Variants in CIB2 observed in about 807,000 individuals in gnomAD.
CIB2 encodes the protein calcium and integrin binding family member 2.
In CIB2, 19 loss-of-function variants were observed where a neutral mutation model predicts 23.1. The observed-to-expected ratio is 0.82, with a 90% confidence interval of 0.57 to 1.21. CIB2 has a LOEUF of 1.21. CIB2 is among the 50% of genes most tolerant of loss of function. The pLI is 0.00. For synonymous variants in CIB2, 94 were observed against 91.7 expected (o/e 1.03, Z -0.14); for missense variants, 220 against 241.5 (o/e 0.91, Z 0.59).
chr15:78,131,123 G>A lies in CIB2; in HGVS notation c.51+42C>T, dbSNP rs781480464. ...GACCGAGAAAAGGGAGGGGCGGCGG[G>A]GCGGCGGGGCCTGTGTTGGGGGCCG... On this transcript the variant is annotated intron_variant, in intron 1 of 5. Coordinates refer to ENST00000258930, the MANE Select transcript of CIB2 (RefSeq NM_006383.4). The surrounding 1 kb of genome is among the most constrained non-coding windows in gnomAD (Gnocchi z 5.8). 3.3e-6 allele frequency: 5 copies of A among 1,532,050 alleles called. No individual in the cohort carries two copies. The South Asian group carries it at 4.7e-5, about 14-fold the overall frequency. The allele number at this position is 1,532,050 out of a possible 1,614,324, so 94.9% of individuals were successfully genotyped here. A position where few individuals can be genotyped will look rare whatever the true frequency, so the allele number is the denominator to read the frequency against.
intron 1 of CIB2, among the ~76,000 whole-genome samples, chr15:78,125,074 C>T (rs541807416): frequency 2.0e-5 from 3 of 152,268 alleles, no homozygotes; most frequent in African/African-American, 7.2e-5. Flanking sequence ...ACGAGGGGTT[C>T]TCCTGGGGGT....
At position 78,105,070 on chromosome 15, in the gene CIB2, G is replaced by C; in HGVS notation, c.*241C>G. The C allele has an allele frequency of 5.5e-6, 3 of 547,328 alleles. No individual in the cohort carries two copies. The highest frequency in any genetic ancestry group is 3.1e-5 in the Admixed American group (1 of 32,168). 33.9% of individuals were successfully genotyped at this position (547,328 alleles called of 1,614,324 possible). On this transcript the variant is annotated 3_prime_UTR_variant, in exon 6 of 6. Transcript: ENST00000258930. The stretch of plus-strand genomic sequence containing the variant: ...ACTGGGGCATGGGGCGGGGTGCGGA[G>C]GGCCTGGAGAGAGGCCATGGGTCCC...
intron 1 of CIB2, 40 bp from the exon 2 acceptor site, chr15:78,123,779 C>T (rs755286388): frequency 1.9e-6 from 3 of 1,612,918 alleles, no homozygotes; most frequent in Admixed American, 1.7e-5. Flanking sequence ...CAGTGTGCGG[C>T]TCCCAGACTT....
Position 78,117,246 on chromosome 15 carries a change from CAAAAAA to C in CIB2, c.87-5976_87-5971del, listed in dbSNP as rs60332437. Among the ~76,000 whole-genome samples the C allele has an allele frequency of 2.9e-4, 16 of 55,476 alleles. No homozygotes were observed. The East Asian group carries it at 8.8e-3, about 30-fold the overall frequency. 36.4% of individuals were successfully genotyped at this position (55,476 alleles called of 152,430 possible). ...GTTAAGTGTTTCTTCAAGCTACTGGCAAAAAAAAAAAAAAAAAAAAAAAAAAAAAGT... is the reference window on the plus strand; with the variant it reads ...GTTAAGTGTTTCTTCAAGCTACTGGCAAAAAAAAAAAAAAAAAAAAAAAGT... On this transcript the variant is annotated intron_variant, in intron 2 of 5. Coordinates refer to ENST00000258930, the MANE Select transcript of CIB2 (RefSeq NM_006383.4).
intron 1 of CIB2, among the ~76,000 whole-genome samples, chr15:78,129,699 T>G (rs983942965): frequency 2.0e-5 from 3 of 152,086 alleles, no homozygotes; most frequent in African/African-American, 7.2e-5. Context: ...TCTGAGTGTC[T>G]GAGACTGAGT....
chr15:78,131,381 G>T lies in CIB2; in HGVS notation c.-166C>A. The T allele has an allele frequency of 3.2e-6, 1 of 315,358 alleles. No individual in the cohort carries two copies. The highest frequency in any genetic ancestry group is 4.9e-6 in the Non-Finnish European group (1 of 202,410). 19.5% of individuals were successfully genotyped at this position (315,358 alleles called of 1,614,324 possible). A position where few individuals can be genotyped will look rare whatever the true frequency, so the allele number is the denominator to read the frequency against. On this transcript the variant is annotated 5_prime_UTR_variant, in exon 1 of 6. Transcript: ENST00000258930. This position sits in a 1 kb window ranked among gnomAD's most constrained non-coding sequence, Gnocchi z 5.8. Reference sequence around the variant, plus strand: ...CCCGCAGCTCGCCTGGAGGAGGCGCGCGGGGGTCTCGGAGGCGGGGACGGG... The same window carrying T: ...CCCGCAGCTCGCCTGGAGGAGGCGCTCGGGGGTCTCGGAGGCGGGGACGGG...
At chr15:78,130,071 G>C (rs532060945) in intron 1 of CIB2, among the ~76,000 whole-genome samples, 1 of 152,270 alleles carries the variant, frequency 6.6e-6, no homozygotes, top group Non-Finnish European at 1.5e-5. Flanking sequence ...CTTCACACCT[G>C]CTTTCCTTCA....
chr15:78,131,226 G>T lies in CIB2; in HGVS notation c.-11C>A. The T allele has an allele frequency of 6.7e-7, 1 of 1,502,050 alleles. No individual in the cohort carries two copies. The allele number at this position is 1,502,050 out of a possible 1,614,324, so 93.0% of individuals were successfully genotyped here. On this transcript the variant is annotated 5_prime_UTR_variant, in exon 1 of 6. Coordinates refer to ENST00000258930, the MANE Select transcript of CIB2 (RefSeq NM_006383.4). This position sits in a 1 kb window ranked among gnomAD's most constrained non-coding sequence, Gnocchi z 5.8. Reference sequence around the variant, plus strand: ...CTGCTTGTTCCCCATGGTGGCCGCCGCGCCGCCGCTCGCCCGCCCGGGCTC... The same window carrying T: ...CTGCTTGTTCCCCATGGTGGCCGCCTCGCCGCCGCTCGCCCGCCCGGGCTC...
rs1251064250 is a variant in CIB2, at chr15:78,105,000, T to G, written c.*311A>C. ...ACCACCTCCTGTTGGGTTATCTGCT[T>G]TTCCCTCTTTGGGGGGGTGGGGAGC... is the stretch of plus-strand genomic sequence containing the variant. On this transcript the variant is annotated 3_prime_UTR_variant, in exon 6 of 6. Transcript: ENST00000258930. This position sits in a 1 kb window ranked among gnomAD's most constrained non-coding sequence, Gnocchi z 4.4. The G allele has an allele frequency of 1.1e-5, 3 of 276,122 alleles. No homozygotes were observed. Among genetic ancestry groups the G allele is most frequent in the Non-Finnish European group, 1.9e-5 (3 of 160,978 alleles). 17.1% of individuals were successfully genotyped at this position (276,122 alleles called of 1,614,324 possible). A position where few individuals can be genotyped will look rare whatever the true frequency, so the allele number is the denominator to read the frequency against.
At chr15:78,129,481 G>C (rs1371462653) in intron 1 of CIB2, among the ~76,000 whole-genome samples, 2 of 152,062 alleles carry the variant, frequency 1.3e-5, no homozygotes, top group Non-Finnish European at 2.9e-5. Context: ...CTTTATCCAC[G>C]CTGTCCCCTC....
chr15:78,128,756 G>A lies in CIB2; in HGVS notation c.51+2409C>T, dbSNP rs1349026024. 5.9e-5 allele frequency among the ~76,000 whole-genome samples: 9 copies of A among 151,868 alleles called. No homozygotes were observed. The East Asian group carries it at 1.2e-3, about 20-fold the overall frequency. ...GGAAGAGTGAGAGAACTAAGAGGGC[G>A]GGTGGCTGGAGGGGGATGGGCAGGA... On this transcript the variant is annotated intron_variant, in intron 1 of 5. Coordinates refer to ENST00000258930, the MANE Select transcript of CIB2 (RefSeq NM_006383.4).
Position 78,119,466 on chromosome 15 carries a change from G to A in CIB2, c.86+4239C>T, listed in dbSNP as rs2141905953. Among the ~76,000 whole-genome samples the A allele has an allele frequency of 1.3e-5, 2 of 152,248 alleles. 1 individual carries two copies. Among genetic ancestry groups the A allele is most frequent in the Middle Eastern group, 6.8e-3 (2 of 294 alleles). ...AGAAGTAGAATTGCTGGATCATGTG[G>A]TGATTTTATTTGTAAGTGTTTGAGG... On this transcript the variant is annotated intron_variant, in intron 2 of 5. Transcript: ENST00000258930.
chr15:78,121,545 A>G (rs1287479993), intron 2 of CIB2, among the ~76,000 whole-genome samples: 2 of 152,094 alleles, frequency 1.3e-5, no homozygotes, highest in East Asian at 3.9e-4. Context: ...GTGGGAGGTA[A>G]TTGAATCATG....
At chr15:78,124,308 C>G (rs1199108553) in intron 1 of CIB2, among the ~76,000 whole-genome samples, 2 of 151,790 alleles carry the variant, frequency 1.3e-5, no homozygotes, top group African/African-American at 4.8e-5. Context: ...AGTGAAGAGG[C>G]CAGGGAGATA....
chr15:78,124,437 T>C (rs1445749278), intron 1 of CIB2, among the ~76,000 whole-genome samples: 1 of 151,848 alleles, frequency 6.6e-6, no homozygotes, highest in Non-Finnish European at 1.5e-5. Context: ...ACTTGGCTCC[T>C]AGGGCCATCC....
At chr15:78,113,715 A>T (rs368409367) in intron 2 of CIB2, among the ~76,000 whole-genome samples, 5 of 152,136 alleles carry the variant, frequency 3.3e-5, no homozygotes, top group African/African-American at 1.2e-4. Context: ...TACTTTTAGT[A>T]GAGATGGGGT....
chr15:78,127,223 A>C (rs981782317), intron 1 of CIB2, among the ~76,000 whole-genome samples: 3 of 152,024 alleles, frequency 2.0e-5, no homozygotes, highest in Non-Finnish European at 4.4e-5. Context: ...GTCACCAAAC[A>C]CCCTGCCCAC....
At position 78,109,306 on chromosome 15, in the gene CIB2, A is replaced by G; in HGVS notation, c.275T>C (p.Val92Ala). ...CTCGCAGAGCACGGAAAACATGTCC[A>G]CAAAGTCGTTGAAAGTGAGGTTCCC... is the stretch of plus-strand genomic sequence containing the variant. ...GEGNLTFNDF[V>A]DMFSVLCESA... Residue 92 changes from valine to alanine, a missense_variant, in exon 4 of 6, where the codon GTG becomes GCG. Val to Ala is a moderately conservative substitution (Grantham distance 64, BLOSUM62 0). Transcript: ENST00000258930. 6.2e-7 allele frequency: 1 copy of G among 1,613,428 alleles called. No individual in the cohort carries two copies. The highest frequency in any genetic ancestry group is 8.5e-7 in the Non-Finnish European group (1 of 1,179,846).
chr15:78,104,985 G>T lies in CIB2; in HGVS notation c.*326C>A. The T allele has an allele frequency of 2.8e-6, 1 of 360,866 alleles. No individual in the cohort carries two copies. The highest frequency in any genetic ancestry group is 2.3e-5 in the African/African-American group (1 of 43,382). The allele number at this position is 360,866 out of a possible 1,614,324, so 22.4% of individuals were successfully genotyped here. A position where few individuals can be genotyped will look rare whatever the true frequency, so the allele number is the denominator to read the frequency against. Reference sequence around the variant, plus strand: ...GACACGTCAGACCCCACCACCTCCTGTTGGGTTATCTGCTTTTCCCTCTTT... The same window carrying T: ...GACACGTCAGACCCCACCACCTCCTTTTGGGTTATCTGCTTTTCCCTCTTT... On this transcript the variant is annotated 3_prime_UTR_variant, in exon 6 of 6. Transcript: ENST00000258930. The surrounding 1 kb of genome is among the most constrained non-coding windows in gnomAD (Gnocchi z 4.4).
Sources: allele counts gnomAD v4.1 joint callset (sites outside exome capture counted in the v4.1 genomes callset), GRCh38; gene constraint gnomAD v4.1.1; non-coding constraint Gnocchi (gnomAD v3.1); transcripts MANE v1.5; gene names NCBI Gene and HGNC (gene_info 2026-07-23, HGNC 2026-07-21).